The following PUDP variants were observed in gnomAD, a reference collection of about 807,000 sequenced individuals.
PUDP encodes the protein pseudouridine 5'-phosphatase.
PUDP carries 8 observed loss-of-function variants against 9.4 expected under a neutral mutation model. That is an observed-to-expected ratio of 0.85 (90% confidence interval 0.50 to 1.53). PUDP has a LOEUF of 1.53. Among genes scored for constraint, PUDP ranks in the 40% most tolerant of loss-of-function variants. The pLI is 0.00. For synonymous variants in PUDP, 99 were observed against 80.7 expected (o/e 1.23, Z -1.22); for missense variants, 188 against 189.7 (o/e 0.99, Z 0.05).
chrX:7,014,502 T>G (rs1340659988), intron 1 of PUDP, among the ~76,000 whole-genome samples: 1 of 111,213 alleles, frequency 9.0e-6, no homozygotes, highest in African/African-American at 3.3e-5. Flanking sequence ...AATAGAATCT[T>G]TTGGTAGGGG....
At chrX:6,978,474 T>C (rs1928986259) in intron 1 of PUDP, among the ~76,000 whole-genome samples, 1 of 112,308 alleles carries the variant, frequency 8.9e-6, no homozygotes, top group African/African-American at 3.2e-5. Context: ...GTTTAATTTG[T>C]TTTTAATACA....
At chrX:6,941,350 T>TA (rs1410779031) in intron 3 of PUDP, among the ~76,000 whole-genome samples, 1 of 98,238 alleles carries the variant, frequency 1.0e-5, no homozygotes, top group African/African-American at 3.7e-5. Context: ...TCTTTTTTTT[T>TA]TTTTTTTTTT....
At chrX:6,728,624 T>G (rs971381637) in intron 3 of PUDP, among the ~76,000 whole-genome samples, 2 of 111,612 alleles carry the variant, frequency 1.8e-5, no homozygotes, top group Admixed American at 1.9e-4. Flanking sequence ...GATACAGGCT[T>G]AAACTTTTAA....
intron 3 of PUDP, among the ~76,000 whole-genome samples, chrX:6,888,436 G>C (rs1356310271): frequency 1.8e-5 from 2 of 109,666 alleles, no homozygotes; most frequent in Admixed American, 2.0e-4. Flanking sequence ...GAGGTCAGGA[G>C]TTCAAGACCA....
At chrX:7,086,906 G>T (rs1931280700) in intron 2 of PUDP, among the ~76,000 whole-genome samples, 1 of 112,033 alleles carries the variant, frequency 8.9e-6, no homozygotes, top group Middle Eastern at 4.2e-3. Flanking sequence ...AAAGGAATTG[G>T]GTTGAGGGGC....
intron 3 of PUDP, among the ~76,000 whole-genome samples, chrX:6,806,384 T>C (rs1382516178): frequency 8.9e-6 from 1 of 112,196 alleles, no homozygotes; most frequent in African/African-American, 3.2e-5. Flanking sequence ...TGGAGTGCAG[T>C]GGCATTATCA....
chrX:6,748,614 T>TA (rs751654997), intron 3 of PUDP, among the ~76,000 whole-genome samples: 2 of 110,829 alleles, frequency 1.8e-5, no homozygotes, highest in Non-Finnish European at 3.8e-5. Flanking sequence ...GACAATCCCT[T>TA]AAAAAAAATA....
At chrX:7,091,370 C>T (rs1931416206) in intron 2 of PUDP, among the ~76,000 whole-genome samples, 1 of 111,639 alleles carries the variant, frequency 9.0e-6, no homozygotes, top group Admixed American at 9.4e-5. Flanking sequence ...GACAGAGTCT[C>T]ACTCTGTCAC....
chrX:6,916,640 A>T (rs931940312), intron 3 of PUDP, among the ~76,000 whole-genome samples: 3 of 111,845 alleles, frequency 2.7e-5, no homozygotes, highest in African/African-American at 9.7e-5. Flanking sequence ...CCGTAAGGTC[A>T]ATAGCCACAT....
intron 3 of PUDP, among the ~76,000 whole-genome samples, chrX:6,953,974 G>A (rs1928590258): frequency 9.1e-6 from 1 of 110,213 alleles, no homozygotes; most frequent in Non-Finnish European, 1.9e-5. Context: ...GAGTCCTCAC[G>A]AGATCCGATG....
chrX:6,813,411 T>G (rs1176321366), intron 3 of PUDP, among the ~76,000 whole-genome samples: 1 of 111,341 alleles, frequency 9.0e-6, no homozygotes, highest in Non-Finnish European at 1.9e-5. Context: ...CCCTCTTGGT[T>G]AATGCTTGGA....
chrX:7,104,682 A>C (rs1380940397), intron 2 of PUDP, among the ~76,000 whole-genome samples: 2 of 111,644 alleles, frequency 1.8e-5, no homozygotes, highest in Non-Finnish European at 3.8e-5. Context: ...GAGTATCACG[A>C]TGCTCGTACC....
At chrX:7,020,261 C>A (rs1400634089) in intron 1 of PUDP, among the ~76,000 whole-genome samples, 5 of 110,061 alleles carry the variant, frequency 4.5e-5, no homozygotes, top group Admixed American at 1.9e-4. Context: ...TTTAAAGGGG[C>A]CTCATAGTTC....
intron 3 of PUDP, among the ~76,000 whole-genome samples, chrX:6,869,407 C>T (rs527793855): frequency 8.9e-6 from 1 of 111,872 alleles, no homozygotes; most frequent in African/African-American, 3.2e-5. Context: ...TCTCCCCTCA[C>T]TTTCTTGCGC....
At chrX:7,099,952 T>C (rs1419649454) in intron 2 of PUDP, among the ~76,000 whole-genome samples, 1 of 104,566 alleles carries the variant, frequency 9.6e-6, no homozygotes, top group Non-Finnish European at 2.0e-5. Context: ...GTAGACACAC[T>C]CCCGCAGCAT....
chrX:6,787,639 G>A (rs1446302844), intron 3 of PUDP, among the ~76,000 whole-genome samples: 2 of 112,259 alleles, frequency 1.8e-5, no homozygotes, highest in African/African-American at 6.5e-5. Flanking sequence ...ACAATTTCCT[G>A]ATGTTTTATA....
intron 1 of PUDP, among the ~76,000 whole-genome samples, chrX:7,027,747 CTATA>C (rs1195213273): frequency 2.1e-5 from 2 of 94,972 alleles, no homozygotes; most frequent in Admixed American, 1.2e-4. Flanking sequence ...TATATATAGA[CTATA>C]TATATAGAAT....
At chrX:6,830,569 AT>A (rs1926489217) in intron 3 of PUDP, among the ~76,000 whole-genome samples, 1 of 112,187 alleles carries the variant, frequency 8.9e-6, no homozygotes, top group South Asian at 3.7e-4. Context: ...CTAAGGATTC[AT>A]TTTTTATAAC....
At chrX:6,995,066 A>C (rs1452379701) in intron 1 of PUDP, among the ~76,000 whole-genome samples, 2 of 112,030 alleles carry the variant, frequency 1.8e-5, no homozygotes, top group Non-Finnish European at 3.8e-5. Context: ...TAGACTTATG[A>C]GAATATTATG....
Sources: gnomAD v4.1 joint callset for allele counts (sites outside exome capture counted in the v4.1 genomes callset) on GRCh38, gnomAD v4.1.1 for gene constraint, MANE v1.5 for transcripts, NCBI Gene and HGNC (gene_info 2026-07-23, HGNC 2026-07-21) for gene names.